PKP1: variants seen among roughly 807,000 people sequenced by gnomAD.
PKP1 encodes plakophilin 1, also known as plakophilin-1.
Under a neutral mutation model 76.4 loss-of-function variants are expected in PKP1, and 27 were observed. That is an observed-to-expected ratio of 0.35 (90% confidence interval 0.26 to 0.49). The LOEUF is 0.49. Among genes scored for constraint, PKP1 ranks in the 20% least tolerant of loss-of-function variants. PKP1 has a pLI of 0.99. For synonymous variants in PKP1, 404 were observed against 384.2 expected (o/e 1.05, Z -0.60); for missense variants, 964 against 955.2 (o/e 1.01, Z -0.12).
At chr1:201,284,102 G>A (rs1558180443) in intron 1 of PKP1, among the ~76,000 whole-genome samples, 198 bp downstream of exon 1, 1 of 152,216 alleles carries the variant, frequency 6.6e-6, no homozygotes, top group Non-Finnish European at 1.5e-5. Flanking sequence ...ACCCGAGGCT[G>A]GCTCGACGGC....
chr1:201,297,684 A>G (rs1656114312), intron 2 of PKP1, among the ~76,000 whole-genome samples: 1 of 152,136 alleles, frequency 6.6e-6, no homozygotes, highest in Non-Finnish European at 1.5e-5. Flanking sequence ...GGTTTCCACA[A>G]TCTCAATATT....
Position 201,297,110 on chromosome 1 carries a change from T to C in PKP1, c.306+3065T>C, listed in dbSNP as rs188008826. Among the ~76,000 whole-genome samples, 3 of 152,346 alleles carry C rather than the reference T, an allele frequency of 2.0e-5. No homozygotes were observed. The East Asian group carries it at 5.8e-4, about 29-fold the overall frequency. On this transcript the variant is annotated intron_variant, in intron 2 of 13. Transcript: ENST00000367324. The stretch of plus-strand genomic sequence containing the variant: ...ATTAAAAAACAATCATCATACTATT[T>C]ATAATCTATGATTATTCACATCACA...
rs1228803998 is a variant in PKP1, at chr1:201,313,153, T to G, written c.307-13T>G. On this transcript the variant is annotated splice_polypyrimidine_tract_variant and intron_variant, in intron 2 of 13. Coordinates refer to ENST00000367324, the MANE Select transcript of PKP1 (RefSeq NM_001005337.3). ...GGAACCTTGACTGAGCTTTTCTCCC[T>G]TTCCCTGGCCAGATCTACAATGGAA... is the stretch of plus-strand genomic sequence containing the variant. 1 of 1,609,132 alleles carries G rather than the reference T, an allele frequency of 6.2e-7. No individual in the cohort carries two copies. The highest frequency in any genetic ancestry group is 1.7e-5 in the Admixed American group (1 of 59,546).
intron 2 of PKP1, among the ~76,000 whole-genome samples, chr1:201,299,138 C>A (rs1025056597): frequency 4.6e-5 from 7 of 152,230 alleles, no homozygotes; most frequent in Non-Finnish European, 1.0e-4. Context: ...CCTTACCAAT[C>A]CGCAGTCAAC....
chr1:201,312,771 G>A lies in PKP1; in HGVS notation c.307-395G>A, dbSNP rs557495049. 3.8e-4 allele frequency among the ~76,000 whole-genome samples: 58 copies of A among 152,144 alleles called. No individual in the cohort carries two copies. In the South Asian group the frequency reaches 0.012, roughly 31 times the overall value. ...TTTCCTGGGCTGTCTTGGCTTCCTG[G>A]GTTCATCCTCCCTCTTATGACACCT... On this transcript the variant is annotated intron_variant, in intron 2 of 13. Transcript: ENST00000367324.
chr1:201,300,271 C>T (rs1471107922), intron 2 of PKP1, among the ~76,000 whole-genome samples: 8 of 152,252 alleles, frequency 5.3e-5, no homozygotes, highest in Admixed American at 3.3e-4. Context: ...CAAACTGCTG[C>T]CACTGGGACA....
intron 6 of PKP1, among the ~76,000 whole-genome samples, chr1:201,319,062 C>G (rs1282047189): frequency 6.6e-6 from 1 of 152,170 alleles, no homozygotes; most frequent in Admixed American, 6.5e-5. Context: ...ATCTGAATAT[C>G]CAAACTGGTT....
At chr1:201,315,027 A>G (rs1417172309) in intron 3 of PKP1, among the ~76,000 whole-genome samples, 1 of 152,248 alleles carries the variant, frequency 6.6e-6, no homozygotes, top group Non-Finnish European at 1.5e-5. Context: ...ACTGTTCTGA[A>G]AATAAGCAGA....
At position 201,283,780 on chromosome 1, in the gene PKP1, G is replaced by A. The variant is rs2102402211; in HGVS notation, c.78G>A (p.Pro26=). Reference sequence around the variant, plus strand: ...AGGACAACTCCACGTTGGCTTTGCCGTCGGACCAAAAGATGAAAACAGGCA... The same window carrying A: ...AGGACAACTCCACGTTGGCTTTGCCATCGGACCAAAAGATGAAAACAGGCA... ...QDQDNSTLAL[P]SDQKMKTGTS... Residue 26 remains proline (P), a synonymous_variant, in exon 1 of 14, where the codon CCG becomes CCA. Transcript: ENST00000367324. The A allele has an allele frequency of 1.2e-6, 2 of 1,614,198 alleles. No individual in the cohort carries two copies. The highest frequency in any genetic ancestry group is 1.7e-6 in the Non-Finnish European group (2 of 1,180,004).
chr1:201,285,465 A>T (rs956920168), intron 1 of PKP1, among the ~76,000 whole-genome samples: 2 of 152,132 alleles, frequency 1.3e-5, no homozygotes, highest in African/African-American at 4.8e-5. Flanking sequence ...TTTCCACTCA[A>T]GATCATGCCA....
At chr1:201,308,080 G>C (rs917666997) in intron 2 of PKP1, among the ~76,000 whole-genome samples, 1 of 152,260 alleles carries the variant, frequency 6.6e-6, no homozygotes, top group Admixed American at 6.5e-5. Flanking sequence ...AGCAGCTTCT[G>C]TCTGTCCAGC....
At chr1:201,313,610 C>A (rs754805957) in intron 3 of PKP1, 50 bp downstream of exon 3, 4 of 1,582,724 alleles carry the variant, frequency 2.5e-6, no homozygotes, top group Non-Finnish European at 3.4e-6. Flanking sequence ...AGTGGGGAGA[C>A]ACACCCTTAG....
intron 2 of PKP1, among the ~76,000 whole-genome samples, chr1:201,312,962 T>A (rs1425924613): frequency 6.6e-6 from 1 of 152,238 alleles, no homozygotes; most frequent in Non-Finnish European, 1.5e-5. Context: ...TCTTCTAAAT[T>A]GATTTTATAA....
chr1:201,319,821 G>A, intron 6 of PKP1: 1 of 1,613,962 alleles, frequency 6.2e-7, no homozygotes, highest in Non-Finnish European at 8.5e-7. Flanking sequence ...CACAGAAAGA[G>A]ACTGGGCATG....
chr1:201,318,685 T>C lies in PKP1; in HGVS notation c.1122T>C (p.Val374=), dbSNP rs1656845980. 6.2e-7 allele frequency: 1 copy of C among 1,612,294 alleles called. No individual in the cohort carries two copies. The highest frequency in any genetic ancestry group is 1.3e-5 in the African/African-American group (1 of 74,858). Residue 374 remains valine (V), a synonymous_variant, in exon 6 of 14, where the codon GTT becomes GTC. Coordinates refer to ENST00000367324, the MANE Select transcript of PKP1 (RefSeq NM_001005337.3). ...KEELIADALP[V]LADRVIIPFS... ...AACTCATTGCCGACGCCCTGCCTGTTCTGGCCGACCGCGTCATCATTCCCT... is the reference window on the plus strand; with the variant it reads ...AACTCATTGCCGACGCCCTGCCTGTCCTGGCCGACCGCGTCATCATTCCCT...
intron 1 of PKP1, among the ~76,000 whole-genome samples, chr1:201,289,777 C>T (rs1021689766): frequency 2.6e-5 from 4 of 152,056 alleles, no homozygotes; most frequent in Admixed American, 1.3e-4. Context: ...CAGAGTCAGC[C>T]GCTGGATTGA....
rs1298217756 is a variant in PKP1, at chr1:201,299,453, C to G, written c.306+5408C>G. Among the ~76,000 whole-genome samples the G allele has an allele frequency of 2.0e-5, 3 of 152,122 alleles. No homozygotes were observed. The East Asian group carries it at 5.8e-4, about 29-fold the overall frequency. On this transcript the variant is annotated intron_variant, in intron 2 of 13. Coordinates refer to ENST00000367324, the MANE Select transcript of PKP1 (RefSeq NM_001005337.3). ...TGGAGTGGACTTCACCTCTCTAGAC[C>G]CTGGCTTTCTCAATTATGGAGCAAG...
chr1:201,293,918 C>A (rs1164067041), intron 1 of PKP1, 24 bp from the exon 2 acceptor site: 1 of 1,514,396 alleles, frequency 6.6e-7, no homozygotes, highest in Admixed American at 1.7e-5. Context: ...CATCCCTGTC[C>A]TAATCCCCTC....
chr1:201,287,122 C>A (rs551645912), intron 1 of PKP1, among the ~76,000 whole-genome samples: 2 of 152,272 alleles, frequency 1.3e-5, no homozygotes, highest in African/African-American at 4.8e-5. Context: ...TTATTTCAGC[C>A]TTTGGCCTGA....
Sources: allele counts gnomAD v4.1 joint callset (sites outside exome capture counted in the v4.1 genomes callset), GRCh38; gene constraint gnomAD v4.1.1; transcripts MANE v1.5; gene names NCBI Gene and HGNC (gene_info 2026-07-23, HGNC 2026-07-21).